Variants in KIAA1614 observed in about 807,000 individuals in gnomAD.
KIAA1614 encodes the protein uncharacterized protein KIAA1614.
A neutral mutation model predicts 88.7 loss-of-function variants in KIAA1614; 76 were observed. The ratio of observed to expected loss-of-function variants is 0.86; its 90% CI spans 0.71 to 1.04. The LOEUF (loss-of-function observed/expected upper bound fraction) is 1.04. Ranked by LOEUF, KIAA1614 falls within the 50% of genes least tolerant of loss-of-function variation. The pLI is 0.00. For missense variants in KIAA1614, 1,553 were observed against 1,582.5 expected (o/e 0.98, Z 0.32); for synonymous variants, 714 against 675.5 (o/e 1.06, Z -0.88).
rs1406219044 is a variant in KIAA1614, at chr1:180,948,691, G to C, written c.*3103G>C. 2 of 152,282 alleles carry C rather than the reference G, an allele frequency of 1.3e-5. No individual in the cohort carries two copies. Among genetic ancestry groups the C allele is most frequent in the African/African-American group, 4.8e-5 (2 of 41,454 alleles). 9.4% of individuals were successfully genotyped at this position (152,282 alleles called of 1,614,324 possible). On this transcript the variant is annotated 3_prime_UTR_variant, in exon 9 of 9. Coordinates refer to ENST00000367588, the MANE Select transcript of KIAA1614 (RefSeq NM_020950.2). ...AACCCGTAGACAGGGAGGGCAAGCA[G>C]TGAAAGGTCCATCTAGAGGAGGTAA...
rs2331900 is a variant in KIAA1614 at position 180,919,161 on chromosome 1, C to T, written c.1061+1247C>T. ...GGGGAGACACAAACACTGAGTCCAC[C>T]GTAGTCCTCCACCCCCGCACCTGCC... On this transcript the variant is annotated intron_variant, in intron 3 of 8. Transcript: ENST00000367588. Among the ~76,000 whole-genome samples the T allele has an allele frequency of 2.6e-4, 40 of 152,294 alleles. No individual in the cohort carries two copies. In the East Asian group the frequency reaches 6.4e-3, roughly 24 times the overall value.
rs1343794060 is a variant in KIAA1614, at chr1:180,929,580, C to G, written c.1205+1007C>G. On this transcript the variant is annotated intron_variant, in intron 4 of 8. Transcript: ENST00000367588. ...AACAACAAGGTCAAGGACATTCAGA[C>G]CAGCACATCACACACATGACTGCCC... 6.6e-5 allele frequency among the ~76,000 whole-genome samples: 10 copies of G among 152,224 alleles called. 1 individual carries two copies. Among genetic ancestry groups the G allele is most frequent in the Admixed American group, 6.5e-4 (10 of 15,284 alleles).
intron 3 of KIAA1614, chr1:180,928,124 C>G (rs2102264035): frequency 3.6e-6 from 1 of 274,910 alleles, no homozygotes; most frequent in East Asian, 6.4e-5. Context: ...ATAGAATAAT[C>G]TGGAGACTCT....
chr1:180,921,149 CGTTT>C (rs1653945199), intron 3 of KIAA1614, among the ~76,000 whole-genome samples: 1 of 144,408 alleles, frequency 6.9e-6, no homozygotes. Context: ...GGGGTGGGGC[CGTTT>C]TATAGGATTT....
rs1654282761 is a variant in KIAA1614 at position 180,935,040 on chromosome 1, GAGGGT to G, written c.1206-70_1206-66del. 9.5e-7 allele frequency: 1 copy of G among 1,051,894 alleles called. No homozygotes were observed. Among genetic ancestry groups the G allele is most frequent in the Non-Finnish European group, 1.2e-6 (1 of 800,828 alleles). The allele number at this position is 1,051,894 out of a possible 1,614,324, so 65.2% of individuals were successfully genotyped here. A position where few individuals can be genotyped will look rare whatever the true frequency, so the allele number is the denominator to read the frequency against. On this transcript the variant is annotated intron_variant, in intron 4 of 8. Transcript: ENST00000367588. This position sits in a 1 kb window ranked among gnomAD's most constrained non-coding sequence, Gnocchi z 6.1. ...GTGGGAGACTGTAGCCCAGGGTGGAGAGGGTAGGGCCGATGCGTGTCCATACCTCC... is the reference window on the plus strand; with the variant it reads ...GTGGGAGACTGTAGCCCAGGGTGGAGAGGGCCGATGCGTGTCCATACCTCC...
In KIAA1614 at chr1:180,949,098, C is replaced by G. The variant is rs1196923452; in HGVS notation, c.*3510C>G. On this transcript the variant is annotated 3_prime_UTR_variant, in exon 9 of 9. Transcript: ENST00000367588. The stretch of plus-strand genomic sequence containing the variant: ...GAGATTGAGGAGCAGACCTGATGCC[C>G]TTTCGGGCCCCTGCTAAGAACCTGA... The G allele has an allele frequency of 6.6e-6, 1 of 152,312 alleles. No homozygotes were observed. The highest frequency in any genetic ancestry group is 2.4e-5 in the African/African-American group (1 of 41,472). The allele number at this position is 152,312 out of a possible 1,614,324, so 9.4% of individuals were successfully genotyped here.
At chr1:180,934,512 C>G (rs1213726550) in intron 4 of KIAA1614, among the ~76,000 whole-genome samples, 1 of 151,816 alleles carries the variant, frequency 6.6e-6, no homozygotes, top group African/African-American at 2.4e-5. Flanking sequence ...ATCACTTGAG[C>G]CCCAGAGATC....
rs758160527 is a variant in KIAA1614, at chr1:180,941,234, G to A, written c.3108G>A (p.Pro1036=). 3.3e-5 allele frequency: 54 copies of A among 1,613,466 alleles called. No individual in the cohort carries two copies. In the Admixed American group the frequency reaches 4.7e-4, roughly 14 times the overall value. Residue 1036 remains proline, a synonymous_variant, in exon 7 of 9, where the codon CCG becomes CCA. Transcript: ENST00000367588. ...SYSVEQLQPA[P]PGLTSQSRAP... ...GTGTGGAGCAGTTGCAGCCCGCCCC[G>A]CCTGGCCTGACGTCACAGTCCAGGG...
At chr1:180,914,069 G>A (rs1653721608) in intron 1 of KIAA1614, 1 of 152,032 alleles carries the variant, frequency 6.6e-6, no homozygotes. Flanking sequence ...GAATTTTATG[G>A]TGAATACTTG....
At position 180,930,805 on chromosome 1, in the gene KIAA1614, G is replaced by C. The variant is rs144430860; in HGVS notation, c.1205+2232G>C. ...TTGGCAGCGCTGGCGAATCCTCAGA[G>C]GGTATAGCTGAAAAATCAACGCCAG... On this transcript the variant is annotated intron_variant, in intron 4 of 8. Coordinates refer to ENST00000367588, the MANE Select transcript of KIAA1614 (RefSeq NM_020950.2). Among the ~76,000 whole-genome samples the C allele has an allele frequency of 5.3e-3, 809 of 152,368 alleles. 9 individuals are homozygous for C. Among genetic ancestry groups the C allele is most frequent in the African/African-American group, 0.019 (777 of 41,592 alleles).
Position 180,945,471 on chromosome 1 carries a change from T to C in KIAA1614, c.3456T>C (p.Asn1152=), listed in dbSNP as rs374361503. The change falls in exon 9 of 9, where the codon AAT becomes AAC. Residue 1152 remains asparagine, a synonymous_variant. Transcript: ENST00000367588. The part of the protein sequence containing the change: ...GTFGFCVASG[N]GRPDSGMPSP... ...TCGGCTTCTGCGTGGCCTCTGGGAATGGGCGCCCAGACTCAGGTATGCCCT... is the reference window on the plus strand; with the variant it reads ...TCGGCTTCTGCGTGGCCTCTGGGAACGGGCGCCCAGACTCAGGTATGCCCT... The C allele has an allele frequency of 2.2e-5, 35 of 1,613,012 alleles. No homozygotes were observed. Among genetic ancestry groups the C allele is most frequent in the Non-Finnish European group, 2.9e-5 (34 of 1,179,828 alleles).
intron 3 of KIAA1614, among the ~76,000 whole-genome samples, chr1:180,919,587 A>T (rs908045766): frequency 6.6e-6 from 1 of 151,936 alleles, no homozygotes. Flanking sequence ...CCCCCTGCAC[A>T]CTTCCTCCCT....
intron 4 of KIAA1614, among the ~76,000 whole-genome samples, chr1:180,931,200 A>G (rs1654190437): frequency 6.6e-6 from 1 of 152,244 alleles, no homozygotes. Context: ...GGGGATAGAC[A>G]TGCCTAGATT....
At chr1:180,919,406 G>A (rs12034451) in intron 3 of KIAA1614, among the ~76,000 whole-genome samples, 17,206 of 152,238 alleles carry the variant, frequency 0.11, 1,111 homozygotes, top group African/African-American at 0.18. Flanking sequence ...GTTGAGGAGC[G>A]TGACTACAGA....
rs78918286 is a variant in KIAA1614 at position 180,950,640 on chromosome 1, C to G, written c.*5052C>G. On this transcript the variant is annotated 3_prime_UTR_variant, in exon 9 of 9. Coordinates refer to ENST00000367588, the MANE Select transcript of KIAA1614 (RefSeq NM_020950.2). ...GAGCTGCTCTGTGGCGGAAACAGATCCTGGCAGCATCTAACCCCTTGGGCT... is the reference window on the plus strand; with the variant it reads ...GAGCTGCTCTGTGGCGGAAACAGATGCTGGCAGCATCTAACCCCTTGGGCT... The G allele has an allele frequency of 2.2e-3, 1,182 of 526,720 alleles. 7 individuals are homozygous for G. In the African/African-American group the frequency reaches 0.023, roughly 10 times the overall value. 32.6% of individuals were successfully genotyped at this position (526,720 alleles called of 1,614,324 possible). A position where few individuals can be genotyped will look rare whatever the true frequency, so the allele number is the denominator to read the frequency against.
At chr1:180,940,076 C>T (rs1654419423) in intron 6 of KIAA1614, among the ~76,000 whole-genome samples, 1 of 152,226 alleles carries the variant, frequency 6.6e-6, no homozygotes, top group African/African-American at 2.4e-5. Context: ...TCTGCTTCAC[C>T]CACATGGGAT....
intron 3 of KIAA1614, among the ~76,000 whole-genome samples, chr1:180,923,016 G>C (rs1456643894): frequency 6.6e-6 from 1 of 152,186 alleles, no homozygotes; most frequent in Non-Finnish European, 1.5e-5. Flanking sequence ...CACTTTACTT[G>C]CATTTACCCA....
At position 180,916,027 on chromosome 1, in the gene KIAA1614, C is replaced by A; in HGVS notation, c.51-127C>A. 4 of 569,732 alleles carry A rather than the reference C, an allele frequency of 7.0e-6. No individual in the cohort carries two copies. The South Asian group carries it at 1.0e-4, about 15-fold the overall frequency. 35.3% of individuals were successfully genotyped at this position (569,732 alleles called of 1,614,324 possible). On this transcript the variant is annotated intron_variant, in intron 1 of 8. Transcript: ENST00000367588. ...GGAGACCACTGATCAAGAGAGCATC[C>A]CCTGCTCTGTCTCCAGGTTACTTTC...
Position 180,916,865 on chromosome 1 carries a change from G to A in KIAA1614, c.762G>A (p.Leu254=), listed in dbSNP as rs753565517. 5 of 1,614,238 alleles carry A rather than the reference G, an allele frequency of 3.1e-6. No individual in the cohort carries two copies. The highest frequency in any genetic ancestry group is 3.4e-6 in the Non-Finnish European group (4 of 1,180,046). Residue 254 remains leucine (L), a synonymous_variant, in exon 2 of 9, where the codon CTG becomes CTA. Coordinates refer to ENST00000367588, the MANE Select transcript of KIAA1614 (RefSeq NM_020950.2). ...ATGGCGTGGTGACAGAGGCAGATCTGGATAGCACATCCCTGACCTCCGAGG... is the reference window on the plus strand; with the variant it reads ...ATGGCGTGGTGACAGAGGCAGATCTAGATAGCACATCCCTGACCTCCGAGG... ...FPDGVVTEAD[L]DSTSLTSEEV...
Sources: allele counts gnomAD v4.1 joint callset (sites outside exome capture counted in the v4.1 genomes callset), GRCh38; gene constraint gnomAD v4.1.1; non-coding constraint Gnocchi (gnomAD v3.1); transcripts MANE v1.5; gene names NCBI Gene and HGNC (gene_info 2026-07-23, HGNC 2026-07-21).